The following KCNN2 variants were observed in gnomAD, a reference collection of about 807,000 sequenced individuals.
KCNN2 encodes the protein potassium calcium-activated channel subfamily N member 2.
KCNN2 carries 24 observed loss-of-function variants against 55.5 expected under a neutral mutation model. The observed-to-expected ratio is 0.43, with a 90% CI of 0.31 to 0.61. The LOEUF (loss-of-function observed/expected upper bound fraction) is 0.61, where lower values mean the gene tolerates loss of function less well. Ranked by LOEUF, KCNN2 falls within the 20% of genes least tolerant of loss-of-function variation. The pLI, the probability that KCNN2 is intolerant of heterozygous loss-of-function variation, is 0.08. For synonymous variants in KCNN2, 431 were observed against 336.1 expected (o/e 1.28, Z -3.09); for missense variants, 754 against 853.6 (o/e 0.88, Z 1.45).
chr5:114,354,262 A>G (rs1390894453), intron 2 of KCNN2, among the ~76,000 whole-genome samples: 1 of 152,070 alleles, frequency 6.6e-6, no homozygotes, highest in African/African-American at 2.4e-5. Context: ...ATTCTTTTAA[A>G]TAATTTCTGT....
At chr5:114,238,490 G>A (rs1754552627) in intron 2 of KCNN2, among the ~76,000 whole-genome samples, 2 of 151,966 alleles carry the variant, frequency 1.3e-5, no homozygotes, top group South Asian at 2.1e-4. Flanking sequence ...GCTGGGCGTG[G>A]CAGCAGGCAC....
chr5:114,299,192 A>G (rs1756098855), intron 2 of KCNN2, among the ~76,000 whole-genome samples: 1 of 148,372 alleles, frequency 6.7e-6, no homozygotes. Flanking sequence ...GTTTTATCCT[A>G]AGGCTGCCTC....
At chr5:114,272,333 TACACAC>T (rs769987527) in intron 2 of KCNN2, among the ~76,000 whole-genome samples, 2 of 122,106 alleles carry the variant, frequency 1.6e-5, no homozygotes, top group Non-Finnish European at 3.3e-5. Flanking sequence ...TATGTACATA[TACACAC>T]ATATATGTAT....
chr5:114,146,412 TA>T (rs1280408902), intron 1 of KCNN2, among the ~76,000 whole-genome samples: 4 of 152,158 alleles, frequency 2.6e-5, no homozygotes, highest in Admixed American at 2.0e-4. Flanking sequence ...AGAAAATTTT[TA>T]AAAGCTTTAC....
chr5:114,495,957 G>T lies in KCNN2; in HGVS notation c.2151G>T (p.Lys717Asn). 6.2e-7 allele frequency: 1 copy of T among 1,614,060 alleles called. No individual in the cohort carries two copies. The highest frequency in any genetic ancestry group is 8.5e-7 in the Non-Finnish European group (1 of 1,179,944). The stretch of plus-strand genomic sequence containing the variant: ...ACGAAAGGAGTGAAGACTTCGAGAA[G>T]AGGATTGTTACCCTGGAAACAAAAC... Reference protein sequence around the residue: ...DLNERSEDFEKRIVTLETKLE... With the variant: ...DLNERSEDFENRIVTLETKLE... The change falls in exon 8 of 8, where the codon AAG becomes AAT. Residue 717 changes from lysine (K) to asparagine (N), a missense_variant. Physicochemically the swap from Lys to Asn is moderately conservative, Grantham distance 94. Transcript: ENST00000673685.
At chr5:114,335,081 G>A (rs571397515) in intron 2 of KCNN2, among the ~76,000 whole-genome samples, 2 of 152,148 alleles carry the variant, frequency 1.3e-5, no homozygotes, top group East Asian at 1.9e-4. Flanking sequence ...CCGCCTCCAC[G>A]CCCGGCTAAT....
intron 2 of KCNN2, among the ~76,000 whole-genome samples, chr5:114,344,919 C>T (rs1209830186): frequency 6.6e-6 from 1 of 152,202 alleles, no homozygotes; most frequent in Non-Finnish European, 1.5e-5. Flanking sequence ...AGAACTTAAT[C>T]AAGAGACAAT....
chr5:114,131,490 T>C (rs927411426), intron 1 of KCNN2, among the ~76,000 whole-genome samples: 1 of 152,234 alleles, frequency 6.6e-6, no homozygotes, highest in African/African-American at 2.4e-5. Flanking sequence ...TAGTATTCCA[T>C]GGTGTATGTG....
At chr5:114,132,155 T>C (rs1415435958) in intron 1 of KCNN2, among the ~76,000 whole-genome samples, 1 of 152,200 alleles carries the variant, frequency 6.6e-6, no homozygotes, top group Non-Finnish European at 1.5e-5. Flanking sequence ...TTTGTCAATT[T>C]TGGCTTTTGT....
chr5:114,288,036 G>A (rs1446131880), intron 2 of KCNN2, among the ~76,000 whole-genome samples: 3 of 151,978 alleles, frequency 2.0e-5, no homozygotes, highest in East Asian at 1.9e-4. Flanking sequence ...TCCACTACTC[G>A]CTGGCACCCA....
intron 2 of KCNN2, among the ~76,000 whole-genome samples, chr5:114,256,164 A>T (rs1224829297): frequency 6.6e-6 from 1 of 152,100 alleles, no homozygotes; most frequent in Non-Finnish European, 1.5e-5. Context: ...CATGTTGTTA[A>T]AAAAGATGTG....
At chr5:114,287,744 C>T (rs1429491992) in intron 2 of KCNN2, among the ~76,000 whole-genome samples, 2 of 139,688 alleles carry the variant, frequency 1.4e-5, no homozygotes, top group African/African-American at 5.3e-5. Context: ...ACGTGTGTCT[C>T]AGAACTTAAA....
intron 5 of KCNN2, among the ~76,000 whole-genome samples, chr5:114,484,348 A>G (rs940348149): frequency 2.0e-5 from 3 of 152,174 alleles, no homozygotes; most frequent in Non-Finnish European, 4.4e-5. Flanking sequence ...TAGGGATAGG[A>G]AATTACTTAA....
chr5:114,227,179 C>T (rs962018663), intron 2 of KCNN2, among the ~76,000 whole-genome samples: 1 of 152,112 alleles, frequency 6.6e-6, no homozygotes, highest in Non-Finnish European at 1.5e-5. Flanking sequence ...TAGGCAGGGA[C>T]TTTGACCAAC....
intron 2 of KCNN2, among the ~76,000 whole-genome samples, chr5:114,330,031 G>A (rs1756785472): frequency 7.1e-6 from 1 of 140,220 alleles, no homozygotes; most frequent in Non-Finnish European, 1.6e-5. Context: ...TCTCCCCTTT[G>A]AGCCTGGCTC....
At chr5:114,353,130 T>A (rs1757240344) in intron 2 of KCNN2, among the ~76,000 whole-genome samples, 1 of 151,904 alleles carries the variant, frequency 6.6e-6, no homozygotes, top group Non-Finnish European at 1.5e-5. Flanking sequence ...TTTGTCCTTA[T>A]AAAATTGTCT....
chr5:114,282,755 T>G (rs1172286102), intron 2 of KCNN2, among the ~76,000 whole-genome samples: 1 of 152,178 alleles, frequency 6.6e-6, no homozygotes, highest in East Asian at 1.9e-4. Flanking sequence ...TGTGTAACAT[T>G]GGATTTTTAA....
At chr5:114,077,757 G>C (rs757113963) in intron 1 of KCNN2, among the ~76,000 whole-genome samples, 1 of 152,192 alleles carries the variant, frequency 6.6e-6, no homozygotes, top group Non-Finnish European at 1.5e-5. Context: ...CTGAGGCACA[G>C]ATAAAGCAGG....
intron 3 of KCNN2, among the ~76,000 whole-genome samples, chr5:114,418,996 T>G (rs766566672): frequency 5.3e-5 from 8 of 152,236 alleles, no homozygotes; most frequent in Non-Finnish European, 7.3e-5. Flanking sequence ...TAGACTAAAT[T>G]TGAAAGAGAA....
Sources: allele counts gnomAD v4.1 joint callset (sites outside exome capture counted in the v4.1 genomes callset), GRCh38; gene constraint gnomAD v4.1.1; transcripts MANE v1.5; gene names NCBI Gene and HGNC (gene_info 2026-07-23, HGNC 2026-07-21).